CHODL: variants seen among roughly 807,000 people sequenced by gnomAD.
CHODL encodes the protein transmembrane protein MT75.
In CHODL, 29 loss-of-function variants were observed where a neutral mutation model predicts 34.5. That is an observed-to-expected ratio of 0.84 (90% CI 0.63 to 1.15). The LOEUF is 1.15. CHODL is among the 50% of genes most tolerant of loss of function. The pLI, the probability that CHODL is intolerant of heterozygous loss-of-function variation, is 0.00. For synonymous variants in CHODL, 125 were observed against 116.1 expected (o/e 1.08, Z -0.49); for missense variants, 332 against 332.5 (o/e 1.00, Z 0.01).
chr21:18,172,896 T>A (rs2073249273), intron 2 of CHODL, among the ~76,000 whole-genome samples: 1 of 152,230 alleles, frequency 6.6e-6, no homozygotes, highest in South Asian at 2.1e-4. Context: ...CATCTTGGGG[T>A]AGGTTCTCAT....
At chr21:17,965,800 C>T (rs904499432) in intron 1 of CHODL, among the ~76,000 whole-genome samples, 21 of 151,830 alleles carry the variant, frequency 1.4e-4, no homozygotes, top group African/African-American at 4.6e-4. Context: ...CTCAGTGTCA[C>T]CTTGCCATAA....
chr21:17,980,091 CTT>C (rs59630058), intron 1 of CHODL, among the ~76,000 whole-genome samples: 40 of 134,828 alleles, frequency 3.0e-4, no homozygotes, highest in Admixed American at 4.5e-4. Flanking sequence ...TAAATTCATC[CTT>C]TTTTTTTTTT....
At chr21:17,933,855 A>G (rs1157509787) in intron 1 of CHODL, among the ~76,000 whole-genome samples, 2 of 152,124 alleles carry the variant, frequency 1.3e-5, no homozygotes, top group Non-Finnish European at 2.9e-5. Flanking sequence ...CCTGGCCAAC[A>G]TGGTGAAATC....
intron 2 of CHODL, among the ~76,000 whole-genome samples, chr21:18,038,493 T>C (rs1384924368): frequency 6.6e-6 from 1 of 151,768 alleles, no homozygotes; most frequent in Non-Finnish European, 1.5e-5. Context: ...GTCATGATAG[T>C]TAAAGTCGTT....
chr21:18,069,998 C>CCTTCCCTTCCCTTCT, intron 2 of CHODL, among the ~76,000 whole-genome samples: 1 of 71,006 alleles, frequency 1.4e-5, no homozygotes, highest in Admixed American at 1.4e-4. Context: ...CCTTCCCTTC[C>CCTTCCCTTCCCTTCT]CTTCCCTTCC....
chr21:18,119,882 A>G (rs146593785), intron 2 of CHODL, among the ~76,000 whole-genome samples: 16 of 152,246 alleles, frequency 1.1e-4, no homozygotes, highest in African/African-American at 3.9e-4. Context: ...GCAGATCTAG[A>G]GCTAGGATCC....
At chr21:18,033,530 G>A (rs2064272490) in intron 2 of CHODL, among the ~76,000 whole-genome samples, 1 of 152,044 alleles carries the variant, frequency 6.6e-6, no homozygotes, top group Non-Finnish European at 1.5e-5. Context: ...TTTATGGTAA[G>A]ATACCACTGG....
At chr21:18,080,505 G>T (rs1295854306) in intron 2 of CHODL, among the ~76,000 whole-genome samples, 2 of 152,078 alleles carry the variant, frequency 1.3e-5, no homozygotes, top group South Asian at 4.1e-4. Context: ...GTTGATTTTT[G>T]TATATGGTGA....
chr21:18,155,749 C>A lies in CHODL; in HGVS notation c.-44-100760C>A, dbSNP rs565271599. Among the ~76,000 whole-genome samples, 16 of 152,230 alleles carry A rather than the reference C, an allele frequency of 1.1e-4. No homozygotes were observed. In the South Asian group the frequency reaches 3.3e-3, roughly 32 times the overall value. On this transcript the variant is annotated intron_variant, in intron 2 of 6. Coordinates refer to the CHODL transcript ENST00000400127. The stretch of plus-strand genomic sequence containing the variant: ...GAAAGGCAGTCACGGAAACAATAAC[C>A]CTGAATGGAATGTTGTTTTGAAAGG...
chr21:18,103,947 T>G (rs548267463), intron 2 of CHODL, among the ~76,000 whole-genome samples: 1 of 152,306 alleles, frequency 6.6e-6, no homozygotes, highest in South Asian at 2.1e-4. Context: ...TGAGCTTCAG[T>G]TTTGCCCTTT....
intron 2 of CHODL, among the ~76,000 whole-genome samples, chr21:18,106,374 C>A (rs1460139970): frequency 1.3e-5 from 2 of 152,158 alleles, no homozygotes; most frequent in Non-Finnish European, 2.9e-5. Flanking sequence ...TCCTTGAAGG[C>A]CCTTGGTCGG....
intron 1 of CHODL, among the ~76,000 whole-genome samples, chr21:17,987,610 GC>G (rs1250833597): frequency 5.3e-5 from 8 of 151,946 alleles, no homozygotes; most frequent in African/African-American, 1.4e-4. Context: ...ACAGACCCTT[GC>G]CAAGGAAGAA....
chr21:18,092,257 G>A (rs912616582), intron 2 of CHODL, among the ~76,000 whole-genome samples: 5 of 152,200 alleles, frequency 3.3e-5, no homozygotes, highest in Non-Finnish European at 7.3e-5. Flanking sequence ...TCTTATGCAA[G>A]ACCACCAAGG....
chr21:18,013,297 T>C (rs2064036229), intron 1 of CHODL, among the ~76,000 whole-genome samples: 1 of 58,202 alleles, frequency 1.7e-5, no homozygotes, highest in South Asian at 7.9e-4. Flanking sequence ...ATAAGACAAT[T>C]TTTTTTTTCT....
chr21:18,136,820 A>C lies in CHODL; in HGVS notation c.-45+108849A>C, dbSNP rs1307225584. Among the ~76,000 whole-genome samples the C allele has an allele frequency of 3.3e-5, 5 of 149,314 alleles. No individual in the cohort carries two copies. In the East Asian group the frequency reaches 9.8e-4, roughly 29 times the overall value. On this transcript the variant is annotated intron_variant, in intron 2 of 6. Transcript: ENST00000400127. ...ATACATCATATATCCATATATATAT[A>C]AATATATAAATAGTTTTTGTTAGGA...
intron 1 of CHODL, among the ~76,000 whole-genome samples, chr21:18,000,288 C>G (rs1022105334): frequency 2.6e-5 from 4 of 152,058 alleles, no homozygotes; most frequent in African/African-American, 9.7e-5. Flanking sequence ...GATCCTTTCA[C>G]TACAAAGGTG....
chr21:18,031,542 G>C (rs981434873), intron 2 of CHODL, among the ~76,000 whole-genome samples: 3 of 151,702 alleles, frequency 2.0e-5, no homozygotes, highest in Admixed American at 1.3e-4. Flanking sequence ...AGATTTTTTT[G>C]GGGGGGAGAA....
intron 2 of CHODL, among the ~76,000 whole-genome samples, chr21:18,174,153 A>ATATCTTGG (rs2073274203): frequency 8.6e-6 from 1 of 116,220 alleles, no homozygotes; most frequent in African/African-American, 3.1e-5. Context: ...ATATATATAT[A>ATATCTTGG]TATATATAAA....
chr21:18,265,105 C>T (rs1366868850), intron 5 of CHODL, among the ~76,000 whole-genome samples: 1 of 151,428 alleles, frequency 6.6e-6, no homozygotes, highest in African/African-American at 2.4e-5. Flanking sequence ...GTGTCAGGCA[C>T]ATGTTTGTAG....
Sources: allele counts gnomAD v4.1 joint callset (sites outside exome capture counted in the v4.1 genomes callset), GRCh38; gene constraint gnomAD v4.1.1; transcripts MANE v1.5; gene names NCBI Gene and HGNC (gene_info 2026-07-23, HGNC 2026-07-21).